The following RUVBL1 variants were observed in gnomAD, a reference collection of about 807,000 sequenced individuals.
The protein encoded by RUVBL1 is ruvB-like 1.
A neutral mutation model predicts 52.4 loss-of-function variants in RUVBL1; 4 were observed. The observed-to-expected ratio is 0.08, with a 90% confidence interval of 0.04 to 0.17. The LOEUF (loss-of-function observed/expected upper bound fraction) is 0.17. RUVBL1 is among the 10% of genes least tolerant of loss of function. The pLI, the probability that RUVBL1 is intolerant of heterozygous loss-of-function variation, is 1.00. For missense variants in RUVBL1, 298 were observed against 572.8 expected, an observed-to-expected ratio of 0.52 and a Z score of 4.90; for synonymous variants, 217 against 214.4, an observed-to-expected ratio of 1.01 and a Z score of -0.10.
At chr3:128,070,287 G>T (rs192729981) in intron 9 of RUVBL1, 1 of 152,396 alleles carries the variant, frequency 6.6e-6, no homozygotes, top group East Asian at 1.9e-4. Flanking sequence ...GCCATCTGTG[G>T]ATTTGTCTGT....
chr3:128,119,418 C>T lies in RUVBL1; in HGVS notation c.142-4G>A, dbSNP rs1943593294. On this transcript the variant is annotated splice_polypyrimidine_tract_variant and splice_region_variant and intron_variant, in intron 1 of 10. Coordinates refer to ENST00000322623, the MANE Select transcript of RUVBL1 (RefSeq NM_003707.3). ...ATTCTACTATGACGCCACATGCCTA[C>T]ACACCACAATGGAAAGAAATAATAA... is the stretch of plus-strand genomic sequence containing the variant. 1.2e-6 allele frequency: 2 copies of T among 1,607,862 alleles called. 1 individual carries two copies. The highest frequency in any genetic ancestry group is 2.2e-5 in the South Asian group (2 of 90,366).
At chr3:128,105,111 CTTTTT>C (rs34719630) in intron 3 of RUVBL1, among the ~76,000 whole-genome samples, 187 bp from the exon 4 acceptor site, 2 of 134,054 alleles carry the variant, frequency 1.5e-5, no homozygotes, top group African/African-American at 5.7e-5. Flanking sequence ...AGAAATGCAA[CTTTTT>C]TTTTTTTTTT....
intron 4 of RUVBL1, among the ~76,000 whole-genome samples, chr3:128,104,004 C>T (rs1943167843): frequency 6.6e-6 from 1 of 152,152 alleles, no homozygotes; most frequent in Non-Finnish European, 1.5e-5. Flanking sequence ...GGTGCCACAC[C>T]CAAAGCCATA....
intron 1 of RUVBL1, among the ~76,000 whole-genome samples, chr3:128,152,553 A>C (rs958651548): frequency 6.6e-6 from 1 of 152,032 alleles, no homozygotes; most frequent in Non-Finnish European, 1.5e-5. Flanking sequence ...GTATTGTTTG[A>C]CTTAGCCCTC....
Position 128,100,674 on chromosome 3 carries a change from T to C in RUVBL1, c.674A>G (p.Lys225Arg). ...LEAEEYVPLP[K>R]GDVHKKKEII... ...TTCTTTCTTTTTGTGCACATCCCCT[T>C]TTGGCAAGGGGACATACTCTTCAGC... is the stretch of plus-strand genomic sequence containing the variant. The change falls in exon 6 of 11, where the codon AAA becomes AGA. Residue 225 changes from lysine to arginine, a missense_variant. Lys to Arg is a conservative substitution (Grantham distance 26). Transcript: ENST00000322623. The C allele has an allele frequency of 6.2e-7, 1 of 1,613,952 alleles. No homozygotes were observed. Among genetic ancestry groups the C allele is most frequent in the Non-Finnish European group, 8.5e-7 (1 of 1,179,978 alleles).
chr3:128,149,271 G>A (rs890750336), intron 1 of RUVBL1, among the ~76,000 whole-genome samples: 1 of 149,608 alleles, frequency 6.7e-6, no homozygotes, highest in Non-Finnish European at 1.5e-5. Flanking sequence ...TGCAACCTCT[G>A]CATCCCGGGT....
rs774581332 is a variant in RUVBL1, at chr3:128,100,747, G to A, written c.604-3C>T. 1 of 1,612,830 alleles carries A rather than the reference G, an allele frequency of 6.2e-7. No homozygotes were observed. Among genetic ancestry groups the A allele is most frequent in the South Asian group, 1.1e-5 (1 of 90,812 alleles). On this transcript the variant is annotated splice_region_variant and splice_polypyrimidine_tract_variant and intron_variant, in intron 5 of 10. Transcript: ENST00000322623. Reference sequence around the variant, plus strand: ...TAGGTATCACACCTGCCCTGCCTCTGCAAAAAGAGAGAAACATGAGTGCCT... The same window carrying A: ...TAGGTATCACACCTGCCCTGCCTCTACAAAAAGAGAGAAACATGAGTGCCT...
At chr3:128,092,032 A>G (rs1198480831) in intron 8 of RUVBL1, among the ~76,000 whole-genome samples, 1 of 152,240 alleles carries the variant, frequency 6.6e-6, no homozygotes, top group Non-Finnish European at 1.5e-5. Context: ...CTCAGTGGAC[A>G]CACAGTAAGA....
Position 128,104,932 on chromosome 3 carries a change from AG to A in RUVBL1, c.362-9del. On this transcript the variant is annotated splice_polypyrimidine_tract_variant and intron_variant, in intron 3 of 10. Transcript: ENST00000322623. ...TCTCCTTTATTCGCAGCCCTGGAAGAGGTGGCAGAGGGGCCATGGTGAGAAG... is the reference window on the plus strand; with the variant it reads ...TCTCCTTTATTCGCAGCCCTGGAAGAGTGGCAGAGGGGCCATGGTGAGAAG... 1 of 1,590,976 alleles carries A rather than the reference AG, an allele frequency of 6.3e-7. No homozygotes were observed. Among genetic ancestry groups the A allele is most frequent in the African/African-American group, 1.3e-5 (1 of 74,670 alleles).
At chr3:128,097,591 G>A in intron 7 of RUVBL1, 93 bp from the exon 8 acceptor site, 2 of 1,112,100 alleles carry the variant, frequency 1.8e-6, no homozygotes, top group East Asian at 4.8e-5. Flanking sequence ...CCAAACCCAT[G>A]CTAGGAGCCT....
intron 3 of RUVBL1, among the ~76,000 whole-genome samples, chr3:128,105,173 C>T (rs1304594232): frequency 3.4e-5 from 5 of 146,774 alleles, no homozygotes; most frequent in Admixed American, 1.4e-4. Flanking sequence ...AGTGCAGTGG[C>T]ACGATCTCGA....
Position 128,087,790 on chromosome 3 carries a change from T to G in RUVBL1, c.1035A>C (p.Thr345=). 1.2e-6 allele frequency: 2 copies of G among 1,614,096 alleles called. No homozygotes were observed. Among genetic ancestry groups the G allele is most frequent in the Non-Finnish European group, 1.7e-6 (2 of 1,179,974 alleles). The stretch of plus-strand genomic sequence containing the variant: ...GGTCAAGAGGGATGCCGTGAGGGGA[T>G]GTGATGTCCTCAGTGCCTCTGTAAG... ...NCVIRGTEDI[T]SPHGIPLDLL... Residue 345 remains threonine (T), a synonymous_variant, in exon 9 of 11, where the codon ACA becomes ACC. Transcript: ENST00000322623.
At chr3:128,065,687 A>G (rs1008880635) in intron 9 of RUVBL1, among the ~76,000 whole-genome samples, 13 of 149,302 alleles carry the variant, frequency 8.7e-5, no homozygotes, top group Admixed American at 5.3e-4. Flanking sequence ...ATAAAAAGCT[A>G]TCTCTTTAGG....
chr3:128,111,748 T>G (rs1559823196), intron 3 of RUVBL1, among the ~76,000 whole-genome samples: 1 of 152,226 alleles, frequency 6.6e-6, no homozygotes, highest in South Asian at 2.1e-4. Context: ...CTGATCTTAC[T>G]CCGAAACTGA....
At chr3:128,110,925 C>A (rs1943375580) in intron 3 of RUVBL1, among the ~76,000 whole-genome samples, 1 of 151,900 alleles carries the variant, frequency 6.6e-6, no homozygotes, top group East Asian at 1.9e-4. Context: ...TAGCTAAAGA[C>A]TTCTGGGATT....
rs548634504 is a variant in RUVBL1, at chr3:128,108,634, T to C, written c.362-3710A>G. Among the ~76,000 whole-genome samples, 34 of 151,996 alleles carry C rather than the reference T, an allele frequency of 2.2e-4. No homozygotes were observed. In the East Asian group the frequency reaches 5.0e-3, roughly 22 times the overall value. ...AGATCATTTCAGCCCAGGAAACAGA[T>C]TGCAGTGAGCCAAGATCATGCCACG... On this transcript the variant is annotated intron_variant, in intron 3 of 10. Transcript: ENST00000322623.
chr3:128,111,910 C>T (rs1943404544), intron 3 of RUVBL1, among the ~76,000 whole-genome samples: 1 of 152,150 alleles, frequency 6.6e-6, no homozygotes, highest in Admixed American at 6.5e-5. Context: ...ACTCAGCAGG[C>T]AAATCCTAGA....
chr3:128,107,680 A>G (rs1184798544), intron 3 of RUVBL1, among the ~76,000 whole-genome samples: 3 of 152,238 alleles, frequency 2.0e-5, no homozygotes, highest in African/African-American at 7.2e-5. Context: ...GCCCCAAAAG[A>G]GAGGACCCAT....
At chr3:128,132,469 T>C (rs1205994760) in intron 1 of RUVBL1, among the ~76,000 whole-genome samples, 3 of 152,104 alleles carry the variant, frequency 2.0e-5, no homozygotes, top group Admixed American at 6.5e-5. Context: ...AGCTTGCAGC[T>C]CCCGGAGAGA....
Sources: allele counts gnomAD v4.1 joint callset (sites outside exome capture counted in the v4.1 genomes callset), GRCh38; gene constraint gnomAD v4.1.1; transcripts MANE v1.5; gene names NCBI Gene and HGNC (gene_info 2026-07-23, HGNC 2026-07-21).